PTPN4: variants seen among roughly 807,000 people sequenced by gnomAD.
The protein encoded by PTPN4 is protein tyrosine phosphatase non-receptor type 4, also known as tyrosine-protein phosphatase non-receptor type 4.
PTPN4 carries 49 observed loss-of-function variants against 135.5 expected under a neutral mutation model. The ratio of observed to expected loss-of-function variants is 0.36; its 90% CI spans 0.29 to 0.46. The LOEUF is 0.46. Among genes scored for constraint, PTPN4 ranks in the 20% least tolerant of loss-of-function variants. The probability of loss-of-function intolerance (pLI) is 1.00; values close to 1 mark genes in which losing one functional copy is unlikely to be tolerated. For synonymous variants in PTPN4, 333 were observed against 369.9 expected (o/e 0.90, Z 1.14); for missense variants, 860 against 1,101.0 (o/e 0.78, Z 3.10).
At chr2:119,894,741 C>T (rs1013666091) in intron 9 of PTPN4, among the ~76,000 whole-genome samples, 1 of 151,990 alleles carries the variant, frequency 6.6e-6, no homozygotes, top group Non-Finnish European at 1.5e-5. Context: ...AATTTTTTTA[C>T]AACTTGTAAG....
Position 119,977,089 on chromosome 2 carries a change from G to C in PTPN4, c.*19G>C, listed in dbSNP as rs1679629220. ...TAAATAAGAAAGCAAAAAGATCTGGGATATGTGTTGGAAAACTGCTTTCCC... is the reference window on the plus strand; with the variant it reads ...TAAATAAGAAAGCAAAAAGATCTGGCATATGTGTTGGAAAACTGCTTTCCC... On this transcript the variant is annotated 3_prime_UTR_variant, in exon 27 of 27. Coordinates refer to ENST00000263708, the MANE Select transcript of PTPN4 (RefSeq NM_002830.4). 5 of 1,581,014 alleles carry C rather than the reference G, an allele frequency of 3.2e-6. No homozygotes were observed. Among genetic ancestry groups the C allele is most frequent in the Non-Finnish European group, 4.3e-6 (5 of 1,169,256 alleles).
At chr2:119,890,508 C>T (rs917034087) in intron 9 of PTPN4, among the ~76,000 whole-genome samples, 1 of 152,054 alleles carries the variant, frequency 6.6e-6, no homozygotes, top group African/African-American at 2.4e-5. Flanking sequence ...GATCTATTTA[C>T]ATTCAAAGTT....
chr2:119,772,563 A>T (rs991481207), intron 1 of PTPN4, among the ~76,000 whole-genome samples: 1 of 152,058 alleles, frequency 6.6e-6, no homozygotes, highest in African/African-American at 2.4e-5. Context: ...TTTGAGGCGG[A>T]CTTTTGCTCT....
intron 1 of PTPN4, among the ~76,000 whole-genome samples, chr2:119,760,630 C>T (rs536727413): frequency 1.9e-4 from 29 of 151,534 alleles, no homozygotes; most frequent in African/African-American, 6.3e-4. Context: ...TATGGGTCAG[C>T]GAAGGGCCAA....
At chr2:119,914,710 G>A (rs1322239650) in intron 10 of PTPN4, among the ~76,000 whole-genome samples, 3 of 152,114 alleles carry the variant, frequency 2.0e-5, no homozygotes, top group Non-Finnish European at 4.4e-5. Flanking sequence ...AAATGACTTG[G>A]CTCATATTGA....
chr2:119,810,036 C>G, intron 2 of PTPN4, 45 bp downstream of exon 2: 2 of 1,553,938 alleles, frequency 1.3e-6, no homozygotes, highest in Non-Finnish European at 8.8e-7. Flanking sequence ...GGCTATAAGT[C>G]TGAATTTAGA....
intron 1 of PTPN4, among the ~76,000 whole-genome samples, chr2:119,770,136 C>G (rs899257300): frequency 2.0e-5 from 3 of 152,178 alleles, no homozygotes; most frequent in Middle Eastern, 3.2e-3. Context: ...AGGCACTGTG[C>G]TTGGCTGTGG....
chr2:119,774,630 C>T (rs1690797484), intron 1 of PTPN4, among the ~76,000 whole-genome samples: 1 of 152,024 alleles, frequency 6.6e-6, no homozygotes, highest in Non-Finnish European at 1.5e-5. Flanking sequence ...TAACCCAATC[C>T]AAGGATGGTT....
chr2:119,841,520 T>C (rs916319127), intron 2 of PTPN4, among the ~76,000 whole-genome samples: 1 of 152,206 alleles, frequency 6.6e-6, no homozygotes, highest in Non-Finnish European at 1.5e-5. Flanking sequence ...AATGCATGTG[T>C]TTTTCTGTTA....
At chr2:119,976,360 T>C (rs1054115035) in intron 26 of PTPN4, among the ~76,000 whole-genome samples, 11 of 152,272 alleles carry the variant, frequency 7.2e-5, no homozygotes, top group African/African-American at 2.6e-4. Flanking sequence ...TACATCAAGA[T>C]AGATACTGTA....
intron 3 of PTPN4, among the ~76,000 whole-genome samples, 170 bp downstream of exon 3, chr2:119,862,813 T>C (rs1045677856): frequency 1.2e-4 from 19 of 152,140 alleles, no homozygotes; most frequent in Non-Finnish European, 2.8e-4. Flanking sequence ...ATTTTAATCT[T>C]TCAGAAGTTA....
At chr2:119,964,423 C>T (rs901729193) in intron 24 of PTPN4, among the ~76,000 whole-genome samples, 1 of 152,186 alleles carries the variant, frequency 6.6e-6, no homozygotes, top group Non-Finnish European at 1.5e-5. Context: ...ACTGATTTGA[C>T]TTTGTGTTTT....
intron 1 of PTPN4, among the ~76,000 whole-genome samples, chr2:119,769,971 C>T (rs1690705126): frequency 6.6e-6 from 1 of 152,260 alleles, no homozygotes; most frequent in Non-Finnish European, 1.5e-5. Flanking sequence ...TCTCTTTGCT[C>T]ATTTTTATAC....
At position 119,760,521 on chromosome 2, in the gene PTPN4, A is replaced by G. The variant is rs570423833; in HGVS notation, c.-18+137A>G. On this transcript the variant is annotated intron_variant, in intron 1 of 26. Transcript: ENST00000263708. Reference sequence around the variant, plus strand: ...ACGAGGATGATTTGAAAGGAAGGAAAAAAGGACAAAAACAAACAAACAAAC... The same window carrying G: ...ACGAGGATGATTTGAAAGGAAGGAAGAAAGGACAAAAACAAACAAACAAAC... 34 of 380,440 alleles carry G rather than the reference A, an allele frequency of 8.9e-5. No homozygotes were observed. In the East Asian group the frequency reaches 1.2e-3, roughly 13 times the overall value. 23.6% of individuals were successfully genotyped at this position (380,440 alleles called of 1,614,324 possible). A position where few individuals can be genotyped will look rare whatever the true frequency, so the allele number is the denominator to read the frequency against.
chr2:119,845,789 T>A (rs1464950200), intron 2 of PTPN4, among the ~76,000 whole-genome samples: 1 of 151,932 alleles, frequency 6.6e-6, no homozygotes, highest in East Asian at 1.9e-4. Context: ...GATAAAAGAT[T>A]CTTTATATGA....
At chr2:119,859,048 T>C (rs1677722009) in intron 2 of PTPN4, among the ~76,000 whole-genome samples, 1 of 152,192 alleles carries the variant, frequency 6.6e-6, no homozygotes, top group African/African-American at 2.4e-5. Context: ...TCAGTTTTTA[T>C]TTGTTATTGT....
chr2:119,837,252 A>G (rs1677308324), intron 2 of PTPN4, among the ~76,000 whole-genome samples: 1 of 152,116 alleles, frequency 6.6e-6, no homozygotes, highest in Admixed American at 6.5e-5. Flanking sequence ...GGAAGGAGCT[A>G]CCCACTTTGG....
At position 119,862,655 on chromosome 2, in the gene PTPN4, A is replaced by AT. The variant is rs1202841515; in HGVS notation, c.246+16dup. 4.4e-6 allele frequency: 7 copies of AT among 1,581,660 alleles called. No homozygotes were observed. The highest frequency in any genetic ancestry group is 6.1e-6 in the Non-Finnish European group (7 of 1,155,036). ...CCACAGATAACCCAGTAAGTGTAAG[A>AT]TTTTGTCTTTCATTTTCATTTAGTT... is the stretch of plus-strand genomic sequence containing the variant. On this transcript the variant is annotated intron_variant, in intron 3 of 26. Coordinates refer to ENST00000263708, the MANE Select transcript of PTPN4 (RefSeq NM_002830.4).
At chr2:119,930,274 T>G (rs867052389) in intron 13 of PTPN4, among the ~76,000 whole-genome samples, 4 of 152,172 alleles carry the variant, frequency 2.6e-5, no homozygotes, top group Admixed American at 1.3e-4. Flanking sequence ...CCATGTCTTA[T>G]AAAATGCCTA....
Sources: gnomAD v4.1 joint callset for allele counts (sites outside exome capture counted in the v4.1 genomes callset) on GRCh38, gnomAD v4.1.1 for gene constraint, MANE v1.5 for transcripts, NCBI Gene and HGNC (gene_info 2026-07-23, HGNC 2026-07-21) for gene names.